The following LRRTM3 variants were observed in gnomAD, a reference collection of about 807,000 sequenced individuals.
The protein encoded by LRRTM3 is leucine rich repeat transmembrane neuronal 3.
In LRRTM3, 24 loss-of-function variants were observed where a neutral mutation model predicts 44.7. The ratio of observed to expected loss-of-function variants is 0.54; its 90% CI spans 0.39 to 0.76. LRRTM3 has a LOEUF of 0.76. LRRTM3 is among the 30% of genes least tolerant of loss of function. The pLI is 0.00. For missense variants in LRRTM3, 587 were observed against 702.2 expected, an observed-to-expected ratio of 0.84 and a Z score of 1.85; for synonymous variants, 277 against 278.7, an observed-to-expected ratio of 0.99 and a Z score of 0.06.
In LRRTM3 at chr10:67,035,602, A is replaced by G. The variant is rs191256028; in HGVS notation, c.1537-61985A>G. ...CAAAAACCCTATCAGAAGCTTTGAC[A>G]AGAGAAGCAGAAATATAAGGAAAAT... On this transcript the variant is annotated intron_variant, in intron 2 of 2. Coordinates refer to ENST00000361320, the MANE Select transcript of LRRTM3 (RefSeq NM_178011.5). Among the ~76,000 whole-genome samples the G allele has an allele frequency of 3.5e-3, 539 of 152,296 alleles. 3 individuals are homozygous for G. Among genetic ancestry groups the G allele is most frequent in the African/African-American group, 0.012 (499 of 41,568 alleles).
chr10:67,035,225 CTA>C (rs987147526), intron 2 of LRRTM3, among the ~76,000 whole-genome samples: 2 of 152,022 alleles, frequency 1.3e-5, no homozygotes, highest in African/African-American at 2.4e-5. Flanking sequence ...TATAGAGTAT[CTA>C]TATATATAGT....
chr10:67,033,358 T>C (rs1389862461), intron 2 of LRRTM3, among the ~76,000 whole-genome samples: 3 of 152,166 alleles, frequency 2.0e-5, no homozygotes, highest in Non-Finnish European at 4.4e-5. Flanking sequence ...ATAGCACAGT[T>C]ATGCAACACA....
intron 2 of LRRTM3, among the ~76,000 whole-genome samples, chr10:67,002,154 A>T (rs12265963): frequency 1.2e-4 from 19 of 152,210 alleles, no homozygotes; most frequent in Non-Finnish European, 2.5e-4. Context: ...GATTCAATTC[A>T]CTAATTTCCC....
At chr10:66,973,873 C>T (rs1332053994) in intron 2 of LRRTM3, among the ~76,000 whole-genome samples, 3 of 152,192 alleles carry the variant, frequency 2.0e-5, no homozygotes, top group Non-Finnish European at 4.4e-5. Context: ...TTATCCCCCT[C>T]GGCCTCCCAA....
chr10:67,052,570 A>G (rs1855176490), intron 2 of LRRTM3: 3 of 152,222 alleles, frequency 2.0e-5, no homozygotes, highest in African/African-American at 7.2e-5. Context: ...TTCTTATGCT[A>G]ACAGATCCCA....
intron 2 of LRRTM3, among the ~76,000 whole-genome samples, chr10:67,023,174 A>T (rs1285167189): frequency 6.6e-6 from 1 of 152,182 alleles, no homozygotes; most frequent in East Asian, 1.9e-4. Context: ...ACAAAGAACC[A>T]GAACAGTCAA....
intron 2 of LRRTM3, among the ~76,000 whole-genome samples, chr10:66,965,183 A>G (rs1849330263): frequency 6.6e-6 from 1 of 152,066 alleles, no homozygotes; most frequent in African/African-American, 2.4e-5. Context: ...CCCTGGATTT[A>G]GGTACTAGTC....
rs1409615986 is a variant in LRRTM3 at position 67,062,854 on chromosome 10, AGACCT to A, written c.1537-34730_1537-34726del. ...CAACAACAGCTGGAAGGCAGGTGTC[AGACCT>A]GAAGTTTGTGTGGGCTTCTGAAAAT... On this transcript the variant is annotated intron_variant, in intron 2 of 2. Coordinates refer to ENST00000361320, the MANE Select transcript of LRRTM3 (RefSeq NM_178011.5). 2.6e-5 allele frequency among the ~76,000 whole-genome samples: 4 copies of A among 152,352 alleles called. No individual in the cohort carries two copies. The East Asian group carries it at 7.7e-4, about 29-fold the overall frequency.
chr10:66,939,358 T>C (rs1225879087), intron 2 of LRRTM3, among the ~76,000 whole-genome samples: 1 of 152,134 alleles, frequency 6.6e-6, no homozygotes, highest in Non-Finnish European at 1.5e-5. Flanking sequence ...TCTATCCAAC[T>C]TTTAAGTCAA....
At chr10:67,032,937 T>A (rs1295096190) in intron 2 of LRRTM3, among the ~76,000 whole-genome samples, 1 of 152,190 alleles carries the variant, frequency 6.6e-6, no homozygotes, top group South Asian at 2.1e-4. Flanking sequence ...CACCATGGAA[T>A]CTGAAGTGAT....
In LRRTM3 at chr10:66,926,484, G is replaced by A. The variant is rs755225375; in HGVS notation, c.-100G>A. 27 of 1,380,446 alleles carry A rather than the reference G, an allele frequency of 2.0e-5. No homozygotes were observed. The highest frequency in any genetic ancestry group is 3.6e-4 in the Middle Eastern group (2 of 5,486). 85.5% of individuals were successfully genotyped at this position (1,380,446 alleles called of 1,614,324 possible). A position where few individuals can be genotyped will look rare whatever the true frequency, so the allele number is the denominator to read the frequency against. ...CCAATTTTTCTTCCTGGGTGTCAGCGAGCCCTGACTCACTACAGTGCAGCT... is the reference window on the plus strand; with the variant it reads ...CCAATTTTTCTTCCTGGGTGTCAGCAAGCCCTGACTCACTACAGTGCAGCT... On this transcript the variant is annotated 5_prime_UTR_variant, in exon 1 of 3. Transcript: ENST00000361320.
intron 2 of LRRTM3, among the ~76,000 whole-genome samples, chr10:66,938,039 G>A (rs1399808498): frequency 6.6e-6 from 1 of 152,040 alleles, no homozygotes; most frequent in Admixed American, 6.6e-5. Context: ...ATGCATGATA[G>A]ATGTTGTTGA....
intron 2 of LRRTM3, among the ~76,000 whole-genome samples, chr10:67,037,125 G>T (rs1035482325): frequency 6.6e-6 from 1 of 152,100 alleles, no homozygotes; most frequent in Non-Finnish European, 1.5e-5. Flanking sequence ...TTTATTATAA[G>T]GACTTTACAT....
chr10:67,004,135 C>G (rs1421909998), intron 2 of LRRTM3, among the ~76,000 whole-genome samples: 1 of 151,108 alleles, frequency 6.6e-6, no homozygotes, highest in Non-Finnish European at 1.5e-5. Flanking sequence ...GGAGCCATGG[C>G]TGTGTATCAG....
chr10:66,978,410 C>T (rs144647065), intron 2 of LRRTM3, among the ~76,000 whole-genome samples: 5,636 of 149,820 alleles, frequency 0.038, 212 homozygotes, highest in African/African-American at 0.097. Context: ...GCCTGTAATC[C>T]CAGCTATTCA....
chr10:67,066,829 G>A (rs1347571064), intron 2 of LRRTM3, among the ~76,000 whole-genome samples: 1 of 152,156 alleles, frequency 6.6e-6, no homozygotes, highest in Admixed American at 6.5e-5. Context: ...AGAAGGAAAT[G>A]TAAATAGTGA....
intron 2 of LRRTM3, among the ~76,000 whole-genome samples, chr10:66,995,898 T>G (rs1851302696): frequency 1.3e-5 from 2 of 152,202 alleles, no homozygotes; most frequent in Admixed American, 1.3e-4. Context: ...GAACTAATAT[T>G]TATGGAGTAC....
chr10:66,961,152 C>T (rs1272981474), intron 2 of LRRTM3, among the ~76,000 whole-genome samples: 3 of 152,094 alleles, frequency 2.0e-5, no homozygotes, highest in African/African-American at 2.4e-5. Flanking sequence ...AAAAAAGTTA[C>T]GAACATAAAC....
At chr10:66,953,726 A>T (rs1471233473) in intron 2 of LRRTM3, among the ~76,000 whole-genome samples, 1 of 152,174 alleles carries the variant, frequency 6.6e-6, no homozygotes, top group Non-Finnish European at 1.5e-5. Context: ...TGCTTCTGAT[A>T]TGTTTTATGA....
Sources: allele counts gnomAD v4.1 joint callset (sites outside exome capture counted in the v4.1 genomes callset), GRCh38; gene constraint gnomAD v4.1.1; transcripts MANE v1.5; gene names NCBI Gene and HGNC (gene_info 2026-07-23, HGNC 2026-07-21).